The following SLC9B1 variants were observed in gnomAD, a reference collection of about 807,000 sequenced individuals.
SLC9B1 encodes the protein sodium/hydrogen exchanger 9B1.
A neutral mutation model predicts 51.7 loss-of-function variants in SLC9B1; 32 were observed. The ratio of observed to expected loss-of-function variants is 0.62; its 90% confidence interval spans 0.47 to 0.83. SLC9B1 has a LOEUF of 0.83. Ranked by LOEUF, SLC9B1 falls within the 40% of genes least tolerant of loss-of-function variation. The pLI is 0.00. For missense variants in SLC9B1, 406 were observed against 613.2 expected, an observed-to-expected ratio of 0.66 and a Z score of 3.57; for synonymous variants, 145 against 212.7, an observed-to-expected ratio of 0.68 and a Z score of 2.77.
intron 3 of SLC9B1, among the ~76,000 whole-genome samples, chr4:102,975,407 TC>T (rs932240351): frequency 6.6e-6 from 1 of 151,674 alleles, no homozygotes; most frequent in African/African-American, 2.4e-5. Flanking sequence ...TTTTTAAACT[TC>T]CTTTGTCATG....
intron 3 of SLC9B1, among the ~76,000 whole-genome samples, chr4:102,968,043 A>C (rs1738524974): frequency 6.6e-6 from 1 of 152,166 alleles, no homozygotes; most frequent in Non-Finnish European, 1.5e-5. Context: ...TAGAATAGCC[A>C]AAAAAATCTT....
At chr4:102,905,413 G>C (rs961354827) in intron 11 of SLC9B1, 101 bp downstream of exon 11, 1 of 1,167,022 alleles carries the variant, frequency 8.6e-7, no homozygotes, top group Admixed American at 2.1e-5. Context: ...TAAAAAGTAA[G>C]GATAATAGCT....
In SLC9B1 at chr4:102,955,824, T is replaced by C. The variant is rs186760164; in HGVS notation, c.212-6397A>G. ...AGAGAGAGAGAAACAACAAACAAAG[T>C]GGAAGAAAGAAAGAGAGAGAGAAAG... is the stretch of plus-strand genomic sequence containing the variant. On this transcript the variant is annotated intron_variant, in intron 3 of 11. Coordinates refer to ENST00000296422, the MANE Select transcript of SLC9B1 (RefSeq NM_139173.4). 7.0e-5 allele frequency among the ~76,000 whole-genome samples: 6 copies of C among 85,768 alleles called. No individual in the cohort carries two copies. In the Admixed American group the frequency reaches 8.1e-4, roughly 12 times the overall value. The allele number at this position is 85,768 out of a possible 152,430, so 56.3% of individuals were successfully genotyped here.
intron 3 of SLC9B1, among the ~76,000 whole-genome samples, chr4:102,955,877 G>A (rs1479355968): frequency 1.4e-5 from 2 of 144,176 alleles, no homozygotes; most frequent in Admixed American, 6.9e-5. Flanking sequence ...AAGAAAGAAA[G>A]AAAGAAAGAA....
chr4:102,950,085 A>G (rs1327348279), intron 3 of SLC9B1, among the ~76,000 whole-genome samples: 1 of 152,240 alleles, frequency 6.6e-6, no homozygotes, highest in African/African-American at 2.4e-5. Flanking sequence ...TATATTTTAA[A>G]ATAGCTTTTT....
At chr4:102,978,195 A>T (rs1739175854) in intron 3 of SLC9B1, among the ~76,000 whole-genome samples, 1 of 152,068 alleles carries the variant, frequency 6.6e-6, no homozygotes. Context: ...CATTTTCTTA[A>T]TCCAGTCTAT....
intron 3 of SLC9B1, among the ~76,000 whole-genome samples, chr4:102,981,667 C>T (rs893782461): frequency 3.3e-5 from 5 of 152,082 alleles, no homozygotes; most frequent in Admixed American, 6.6e-5. Flanking sequence ...CGTGAGGTTC[C>T]TGTTGCAGTG....
intron 4 of SLC9B1, among the ~76,000 whole-genome samples, chr4:102,947,643 G>A (rs138956579): frequency 4.6e-5 from 7 of 152,298 alleles, no homozygotes; most frequent in East Asian, 3.9e-4. Flanking sequence ...ATGAGCCACC[G>A]TGCCTGGCCC....
downstream of SLC9B1, among the ~76,000 whole-genome samples, chr4:102,896,373 AC>A (rs1031985298): frequency 1.3e-5 from 2 of 152,016 alleles, no homozygotes; most frequent in Non-Finnish European, 2.9e-5. Flanking sequence ...TATTTTTCTC[AC>A]TTTTTTCTAA....
At chr4:102,961,775 G>T (rs542515614) in intron 3 of SLC9B1, among the ~76,000 whole-genome samples, 1 of 152,156 alleles carries the variant, frequency 6.6e-6, no homozygotes, top group Non-Finnish European at 1.5e-5. Context: ...AGAACGTGCA[G>T]GTTTGTTACA....
intron 3 of SLC9B1, among the ~76,000 whole-genome samples, chr4:102,956,827 A>G (rs577889158): frequency 6.6e-6 from 1 of 152,328 alleles, no homozygotes; most frequent in Admixed American, 6.5e-5. Context: ...GAAACAGGAA[A>G]ATATGGTTCA....
At position 102,935,712 on chromosome 4, in the gene SLC9B1, C is replaced by T. The variant is rs542543578; in HGVS notation, c.654-3413G>A. Among the ~76,000 whole-genome samples the T allele has an allele frequency of 2.9e-5, 3 of 103,912 alleles. No homozygotes were observed. The South Asian group carries it at 8.9e-4, about 31-fold the overall frequency. 68.2% of individuals were successfully genotyped at this position (103,912 alleles called of 152,430 possible). On this transcript the variant is annotated intron_variant, in intron 6 of 11. Coordinates refer to ENST00000296422, the MANE Select transcript of SLC9B1 (RefSeq NM_139173.4). ...TTAAGTAAAAATGCACAAAATAATA[C>T]TCTTTTTTTTCTCTGGGTTCACAAA... is the stretch of plus-strand genomic sequence containing the variant.
chr4:102,935,817 GT>G (rs1287764858), intron 6 of SLC9B1, among the ~76,000 whole-genome samples: 16 of 152,182 alleles, frequency 1.1e-4, no homozygotes, highest in African/African-American at 3.9e-4. Flanking sequence ...CTGCCACTCT[GT>G]CCCCAGTGGC....
chr4:103,000,794 A>G (rs1259587203), intron 1 of SLC9B1, among the ~76,000 whole-genome samples: 3 of 152,186 alleles, frequency 2.0e-5, no homozygotes, highest in Non-Finnish European at 4.4e-5. Flanking sequence ...GTCTGCCGAC[A>G]TTACAGGGGC....
At chr4:103,006,275 A>G (rs987737168) in intron 1 of SLC9B1, among the ~76,000 whole-genome samples, 8 of 152,218 alleles carry the variant, frequency 5.3e-5, no homozygotes, top group Admixed American at 2.6e-4. Context: ...ACAAAGAAAA[A>G]AAGAGAGAAC....
At chr4:102,994,200 T>G (rs929925404) in intron 1 of SLC9B1, among the ~76,000 whole-genome samples, 2 of 152,184 alleles carry the variant, frequency 1.3e-5, no homozygotes, top group African/African-American at 4.8e-5. Context: ...CAAACTTCTA[T>G]GCTCTGCTTC....
chr4:103,011,589 T>C, intron 1 of SLC9B1, among the ~76,000 whole-genome samples: 1 of 152,152 alleles, frequency 6.6e-6, no homozygotes, highest in South Asian at 2.1e-4. Context: ...CTCACACCTC[T>C]GGCAGTTCTG....
Position 102,958,975 on chromosome 4 carries a change from G to C in SLC9B1, c.212-9548C>G, listed in dbSNP as rs1373993760. ...TGAAATAGGGCACTAAAAATACTTG[G>C]TTAACATGAAAGAAGCAGTAATGTA... is the stretch of plus-strand genomic sequence containing the variant. On this transcript the variant is annotated intron_variant, in intron 3 of 11. Transcript: ENST00000296422. Among the ~76,000 whole-genome samples the C allele has an allele frequency of 2.6e-5, 4 of 151,644 alleles. 1 individual carries two copies. Among genetic ancestry groups the C allele is most frequent in the African/African-American group, 9.7e-5 (4 of 41,342 alleles).
downstream of SLC9B1, among the ~76,000 whole-genome samples, chr4:102,896,297 C>A (rs1183730936): frequency 4.6e-5 from 7 of 152,148 alleles, no homozygotes; most frequent in Non-Finnish European, 1.0e-4. Context: ...AGGCCTTCCC[C>A]AGGATACAAA....
Sources: gnomAD v4.1 joint callset for allele counts (sites outside exome capture counted in the v4.1 genomes callset) on GRCh38, gnomAD v4.1.1 for gene constraint, MANE v1.5 for transcripts, NCBI Gene and HGNC (gene_info 2026-07-23, HGNC 2026-07-21) for gene names.